Variants in ZMAT4 observed in about 807,000 individuals in gnomAD.
ZMAT4 encodes zinc finger matrin-type 4.
Under a neutral mutation model 28.7 loss-of-function variants are expected in ZMAT4, and 17 were observed. The observed-to-expected ratio is 0.59, with a 90% CI of 0.41 to 0.89. The LOEUF (loss-of-function observed/expected upper bound fraction) is 0.89. ZMAT4 is among the 40% of genes least tolerant of loss of function. The pLI is 0.00. For missense variants in ZMAT4, 240 were observed against 283.8 expected, an observed-to-expected ratio of 0.85 and a Z score of 1.11; for synonymous variants, 117 against 109.2, an observed-to-expected ratio of 1.07 and a Z score of -0.44.
chr8:40,803,655 G>A (rs1050840074), intron 2 of ZMAT4, among the ~76,000 whole-genome samples: 52 of 152,288 alleles, frequency 3.4e-4, no homozygotes, highest in African/African-American at 1.2e-3. Flanking sequence ...CAGCCACTTT[G>A]GAAGACAATT....
chr8:40,839,981 C>T (rs1651683625), intron 1 of ZMAT4, among the ~76,000 whole-genome samples: 1 of 152,164 alleles, frequency 6.6e-6, no homozygotes, highest in Admixed American at 6.5e-5. Flanking sequence ...TATTTCCCAC[C>T]AAACAAAACT....
chr8:40,881,681 G>A (rs182684958), intron 1 of ZMAT4, among the ~76,000 whole-genome samples: 85 of 152,152 alleles, frequency 5.6e-4, no homozygotes, highest in African/African-American at 2.0e-3. Context: ...AACTGTATGG[G>A]GACTGATAAC....
At chr8:40,812,024 A>G (rs1467880683) in intron 2 of ZMAT4, among the ~76,000 whole-genome samples, 9 of 152,084 alleles carry the variant, frequency 5.9e-5, no homozygotes, top group Non-Finnish European at 1.5e-5. Flanking sequence ...CCAGCTACTC[A>G]GGAGGCTGAG....
At chr8:40,658,619 TACACACACACAC>T (rs3038825) in intron 5 of ZMAT4, among the ~76,000 whole-genome samples, 71 of 145,584 alleles carry the variant, frequency 4.9e-4, no homozygotes, top group Middle Eastern at 3.5e-3. Flanking sequence ...GTTAGACACA[TACACACACACAC>T]ACACACACAC....
chr8:40,760,774 TTC>T (rs148721827), intron 3 of ZMAT4, among the ~76,000 whole-genome samples: 14 of 141,196 alleles, frequency 9.9e-5, no homozygotes, highest in Non-Finnish European at 1.1e-4. Flanking sequence ...CTCTCTCTCT[TTC>T]TCTCTCTCTC....
chr8:40,697,702 C>T (rs887418771), intron 3 of ZMAT4, among the ~76,000 whole-genome samples: 1 of 151,558 alleles, frequency 6.6e-6, no homozygotes, highest in African/African-American at 2.4e-5. Context: ...AATGCTATCC[C>T]TCCCCTAGCC....
intron 5 of ZMAT4, among the ~76,000 whole-genome samples, chr8:40,588,040 A>G (rs1804725701): frequency 1.3e-5 from 2 of 152,176 alleles, no homozygotes; most frequent in East Asian, 1.9e-4. Flanking sequence ...GAAGAAATTC[A>G]TCAGGAGAAC....
At position 40,765,837 on chromosome 8, in the gene ZMAT4, A is replaced by G. The variant is rs567429757; in HGVS notation, c.192+1804T>C. 3.9e-5 allele frequency among the ~76,000 whole-genome samples: 6 copies of G among 152,344 alleles called. No homozygotes were observed. In the South Asian group the frequency reaches 1.0e-3, roughly 26 times the overall value. ...AACCCCATTGTCTCTGACCATTAGCATAAGACACTAAATGGCTATTATATG... is the reference window on the plus strand; with the variant it reads ...AACCCCATTGTCTCTGACCATTAGCGTAAGACACTAAATGGCTATTATATG... On this transcript the variant is annotated intron_variant, in intron 3 of 6. Coordinates refer to ENST00000297737, the MANE Select transcript of ZMAT4 (RefSeq NM_024645.3).
chr8:40,849,566 G>A (rs1343591860), intron 1 of ZMAT4, among the ~76,000 whole-genome samples: 1 of 152,124 alleles, frequency 6.6e-6, no homozygotes, highest in Non-Finnish European at 1.5e-5. Context: ...TGGATTCTCA[G>A]ATGTTCTCTT....
intron 3 of ZMAT4, among the ~76,000 whole-genome samples, chr8:40,760,741 GCTCT>G (rs1220675755): frequency 2.1e-5 from 2 of 93,664 alleles, no homozygotes; most frequent in African/African-American, 4.1e-5. Flanking sequence ...TCTCTGTCAT[GCTCT>G]CTCTCTCTCT....
chr8:40,739,002 C>T (rs1256994135), intron 3 of ZMAT4, among the ~76,000 whole-genome samples: 1 of 152,166 alleles, frequency 6.6e-6, no homozygotes, highest in Non-Finnish European at 1.5e-5. Flanking sequence ...TTTACTAGAA[C>T]CCCTGAGTAA....
chr8:40,771,341 G>A lies in ZMAT4; in HGVS notation c.103-3611C>T, dbSNP rs368041256. ...AGATAATACAGGTAGAAAAGAAAAA[G>A]AAAAAAAACCCATGATTCATTAGGA... On this transcript the variant is annotated intron_variant, in intron 2 of 6. Transcript: ENST00000297737. 2.8e-4 allele frequency among the ~76,000 whole-genome samples: 42 copies of A among 150,604 alleles called. 1 individual carries two copies. The highest frequency in any genetic ancestry group is 1.5e-4 in the Non-Finnish European group (10 of 67,804).
At chr8:40,741,289 A>T (rs867124742) in intron 3 of ZMAT4, among the ~76,000 whole-genome samples, 1 of 152,066 alleles carries the variant, frequency 6.6e-6, no homozygotes, top group Non-Finnish European at 1.5e-5. Flanking sequence ...TACTAAAAAA[A>T]TACAAAGATT....
intron 2 of ZMAT4, among the ~76,000 whole-genome samples, 174 bp from the exon 3 acceptor site, chr8:40,767,904 A>T (rs1200378492): frequency 6.6e-6 from 1 of 152,196 alleles, no homozygotes; most frequent in East Asian, 1.9e-4. Flanking sequence ...GGCTTGCCCC[A>T]AGTTCTAAAG....
At chr8:40,862,584 T>TAAAAAAAAAAAAAAAAAAAAA (rs398007582) in intron 1 of ZMAT4, among the ~76,000 whole-genome samples, 1 of 109,946 alleles carries the variant, frequency 9.1e-6, no homozygotes, top group African/African-American at 3.5e-5. Flanking sequence ...AAAAAAAAAT[T>TAAAAAAAAAAAAAAAAAAAAA]AAAAAAAAAA....
chr8:40,609,312 T>C (rs578262571), intron 5 of ZMAT4, among the ~76,000 whole-genome samples: 1 of 152,354 alleles, frequency 6.6e-6, no homozygotes, highest in Admixed American at 6.5e-5. Context: ...ACTTGTGTCT[T>C]TGCAGATGAG....
intron 2 of ZMAT4, among the ~76,000 whole-genome samples, chr8:40,799,878 G>A (rs1275522578): frequency 6.6e-6 from 1 of 152,142 alleles, no homozygotes; most frequent in Non-Finnish European, 1.5e-5. Flanking sequence ...ACTTGGATTA[G>A]TTGTAAGTGA....
intron 3 of ZMAT4, among the ~76,000 whole-genome samples, chr8:40,709,295 A>T (rs1476051984): frequency 6.6e-6 from 1 of 151,992 alleles, no homozygotes; most frequent in African/African-American, 2.4e-5. Flanking sequence ...TTTGACCTGC[A>T]GTTGGTTGAA....
At chr8:40,600,647 A>C (rs1805269273) in intron 5 of ZMAT4, among the ~76,000 whole-genome samples, 1 of 152,228 alleles carries the variant, frequency 6.6e-6, no homozygotes, top group Non-Finnish European at 1.5e-5. Context: ...CTAGGGTGTC[A>C]CAGTCCTAAT....
Sources: allele counts gnomAD v4.1 joint callset (sites outside exome capture counted in the v4.1 genomes callset), GRCh38; gene constraint gnomAD v4.1.1; transcripts MANE v1.5; gene names NCBI Gene and HGNC (gene_info 2026-07-23, HGNC 2026-07-21).